The following RALYL variants were observed in gnomAD, a reference collection of about 807,000 sequenced individuals.
RALYL encodes the protein RALY RNA binding protein like, also known as RNA-binding Raly-like protein.
A neutral mutation model predicts 35.1 loss-of-function variants in RALYL; 29 were observed. The ratio of observed to expected loss-of-function variants is 0.83; its 90% CI spans 0.61 to 1.13. The LOEUF is 1.13. Among genes scored for constraint, RALYL ranks in the 50% most tolerant of loss-of-function variants. The pLI is 0.00. For missense variants in RALYL, 359 were observed against 360.4 expected (o/e 1.00, Z 0.03); for synonymous variants, 120 against 127.6 (o/e 0.94, Z 0.40).
At chr8:84,193,915 G>A (rs1046209162) in intron 1 of RALYL, among the ~76,000 whole-genome samples, 1 of 152,120 alleles carries the variant, frequency 6.6e-6, no homozygotes, top group Non-Finnish European at 1.5e-5. Context: ...ATAAATCTGG[G>A]CTGAGAAAGA....
At chr8:84,455,510 T>C (rs577325781) in intron 1 of RALYL, among the ~76,000 whole-genome samples, 1 of 152,156 alleles carries the variant, frequency 6.6e-6, no homozygotes, top group East Asian at 1.9e-4. Context: ...CAGATTTTGG[T>C]GTTTGTAGAG....
chr8:84,390,346 G>T (rs1245080596), intron 1 of RALYL, among the ~76,000 whole-genome samples: 1 of 152,054 alleles, frequency 6.6e-6, no homozygotes, highest in Non-Finnish European at 1.5e-5. Flanking sequence ...TCAGGATGAT[G>T]CTGGCCTCAT....
At chr8:84,797,082 C>G (rs934565860) in intron 3 of RALYL, among the ~76,000 whole-genome samples, 6 of 152,146 alleles carry the variant, frequency 3.9e-5, no homozygotes, top group Non-Finnish European at 8.8e-5. Flanking sequence ...GCTCACAGTT[C>G]TAGAGACTGA....
At chr8:84,775,146 C>T (rs112851558) in intron 3 of RALYL, among the ~76,000 whole-genome samples, 13,161 of 151,822 alleles carry the variant, frequency 0.087, 783 homozygotes, top group Middle Eastern at 0.15. Flanking sequence ...AGTAGAGACA[C>T]GGTTTCACCA....
At chr8:84,666,704 G>A (rs1226074310) in intron 2 of RALYL, among the ~76,000 whole-genome samples, 1 of 152,028 alleles carries the variant, frequency 6.6e-6, no homozygotes, top group Admixed American at 6.6e-5. Flanking sequence ...CTTTATCTGA[G>A]ATCAAATGAA....
At chr8:84,868,412 G>A (rs967839586) in intron 6 of RALYL, among the ~76,000 whole-genome samples, 4 of 151,988 alleles carry the variant, frequency 2.6e-5, no homozygotes, top group Non-Finnish European at 4.4e-5. Context: ...CAGGCTGATC[G>A]TAAACTCCTG....
At chr8:84,471,249 T>TAAA (rs1333467296) in intron 1 of RALYL, among the ~76,000 whole-genome samples, 8 of 152,204 alleles carry the variant, frequency 5.3e-5, no homozygotes, top group African/African-American at 1.9e-4. Flanking sequence ...TTTTTAAAAT[T>TAAA]AGCTCTTTGT....
At chr8:84,797,906 G>GGTTTT (rs534713164) in intron 3 of RALYL, among the ~76,000 whole-genome samples, 591 of 152,300 alleles carry the variant, frequency 3.9e-3, no homozygotes, top group African/African-American at 0.013. Flanking sequence ...TCTAGGCACA[G>GGTTTT]GTTTTCTCAG....
intron 2 of RALYL, among the ~76,000 whole-genome samples, chr8:84,615,570 C>CTTTTTTTCTTTT (rs1819334800): frequency 1.5e-5 from 1 of 67,364 alleles, no homozygotes; most frequent in African/African-American, 6.5e-5. Flanking sequence ...GAACTTTCGT[C>CTTTTTTTCTTTT]TTTTTTTTTT....
intron 2 of RALYL, among the ~76,000 whole-genome samples, chr8:84,693,623 A>G (rs1195855533): frequency 6.6e-6 from 1 of 151,982 alleles, no homozygotes; most frequent in Non-Finnish European, 1.5e-5. Flanking sequence ...TTATGAGGCC[A>G]GCATTACTCT....
chr8:84,262,342 C>A (rs79258473), intron 1 of RALYL, among the ~76,000 whole-genome samples: 3,260 of 152,110 alleles, frequency 0.021, 45 homozygotes, highest in Non-Finnish European at 0.031. Context: ...TTTCAAGTTT[C>A]CTTATGTGCA....
At chr8:84,236,998 A>G (rs2131514093) in intron 1 of RALYL, among the ~76,000 whole-genome samples, 1 of 152,310 alleles carries the variant, frequency 6.6e-6, no homozygotes, top group Non-Finnish European at 1.5e-5. Context: ...CCTGTAGGAT[A>G]ATGATGGCTG....
At position 84,204,165 on chromosome 8, in the gene RALYL, C is replaced by A. The variant is rs76887502; in HGVS notation, c.-24+19741C>A. On this transcript the variant is annotated intron_variant, in intron 1 of 8. Transcript: ENST00000521268. ...ATTCTGAATAAGAACACAGAAATAT[C>A]ATGTAGAGATTGATAGTCTCAGTAG... 5.2e-3 allele frequency among the ~76,000 whole-genome samples: 787 copies of A among 151,470 alleles called. 13 individuals carry two copies. The highest frequency in any genetic ancestry group is 0.021 in the Middle Eastern group (6 of 292).
At chr8:84,515,285 G>A (rs1363213163) in intron 1 of RALYL, among the ~76,000 whole-genome samples, 1 of 152,090 alleles carries the variant, frequency 6.6e-6, no homozygotes, top group Non-Finnish European at 1.5e-5. Context: ...ATCACTCCCT[G>A]TCTAATTTTT....
At chr8:84,496,435 A>G (rs1164939684) in intron 1 of RALYL, among the ~76,000 whole-genome samples, 6 of 152,176 alleles carry the variant, frequency 3.9e-5, no homozygotes, top group Non-Finnish European at 8.8e-5. Context: ...GATTTACACA[A>G]CTGACAGGAT....
At chr8:84,867,791 C>G (rs982108500) in intron 6 of RALYL, among the ~76,000 whole-genome samples, 1 of 152,100 alleles carries the variant, frequency 6.6e-6, no homozygotes, top group Non-Finnish European at 1.5e-5. Context: ...GATACAAGTT[C>G]AATTAATCAG....
At chr8:84,197,773 G>GAA (rs79968537) in intron 1 of RALYL, among the ~76,000 whole-genome samples, 37 of 128,366 alleles carry the variant, frequency 2.9e-4, no homozygotes, top group African/African-American at 8.4e-4. Flanking sequence ...CCAGAAAAAG[G>GAA]AAAAAAAAAA....
intron 4 of RALYL, among the ~76,000 whole-genome samples, chr8:84,819,916 A>G (rs1175858463): frequency 1.3e-5 from 2 of 152,330 alleles, no homozygotes; most frequent in East Asian, 3.9e-4. Context: ...ATTAAACCCA[A>G]TATCACAATT....
rs553820037 is a variant in RALYL, at chr8:84,516,574, A to G, written c.-23-12725A>G. 9.3e-4 allele frequency among the ~76,000 whole-genome samples: 141 copies of G among 152,298 alleles called. 3 individuals carry two copies. The highest frequency in any genetic ancestry group is 3.3e-3 in the African/African-American group (139 of 41,574). On this transcript the variant is annotated intron_variant, in intron 1 of 8. Transcript: ENST00000521268. ...TTGGTGACAACTCTATTGGACCAAA[A>G]TTGATATCAACAAACCAAGCAAAGT... is the stretch of plus-strand genomic sequence containing the variant.
Sources: gnomAD v4.1 joint callset for allele counts (sites outside exome capture counted in the v4.1 genomes callset) on GRCh38, gnomAD v4.1.1 for gene constraint, MANE v1.5 for transcripts, NCBI Gene and HGNC (gene_info 2026-07-23, HGNC 2026-07-21) for gene names.